ACOX1: variants seen among roughly 807,000 people sequenced by gnomAD.
ACOX1 encodes the protein peroxisomal acyl-coenzyme A oxidase 1.
A neutral mutation model predicts 75.5 loss-of-function variants in ACOX1; 41 were observed. The observed-to-expected ratio is 0.54, with a 90% CI of 0.42 to 0.70. The LOEUF is 0.70. ACOX1 is among the 30% of genes least tolerant of loss of function. The probability of loss-of-function intolerance (pLI) is 0.00; values close to 1 mark genes in which losing one functional copy is unlikely to be tolerated. For missense variants in ACOX1, 630 were observed against 837.5 expected, an observed-to-expected ratio of 0.75 and a Z score of 3.06; for synonymous variants, 303 against 298.8, an observed-to-expected ratio of 1.01 and a Z score of -0.15.
At chr17:75,956,961 CTCTCTCTCTCTATATATATATATATA>C (rs1412242981) in intron 4 of ACOX1, among the ~76,000 whole-genome samples, 491 of 22,166 alleles carry the variant, frequency 0.022, 8 homozygotes, top group South Asian at 0.027. Flanking sequence ...CTCTCTCTCT[CTCTCTCTCTCTATATATATATATATA>C]TATATATATA....
At position 75,953,351 on chromosome 17, in the gene ACOX1, T is replaced by C. The variant is rs1482838854; in HGVS notation, c.944+100A>G. The stretch of plus-strand genomic sequence containing the variant: ...GTTATCACCCTAGCCAATTTTGCAG[T>C]GCTAATGCATCTTCTGTATTGACAT... On this transcript the variant is annotated intron_variant, in intron 7 of 13. Transcript: ENST00000293217. 6.5e-6 allele frequency: 9 copies of C among 1,390,766 alleles called. 1 individual carries two copies. The highest frequency in any genetic ancestry group is 1.2e-5 in the South Asian group (1 of 85,000). The allele number at this position is 1,390,766 out of a possible 1,614,324, so 86.2% of individuals were successfully genotyped here.
At chr17:75,969,905 C>T (rs978559033) in intron 2 of ACOX1, among the ~76,000 whole-genome samples, 3 of 152,034 alleles carry the variant, frequency 2.0e-5, no homozygotes, top group Admixed American at 6.6e-5. Context: ...GAGAAAGAGG[C>T]CGGGTGCAGT....
Position 75,960,372 on chromosome 17 carries a change from A to G in ACOX1, c.273T>C (p.Phe91=). The G allele has an allele frequency of 1.9e-6, 3 of 1,613,766 alleles. No homozygotes were observed. Among genetic ancestry groups the G allele is most frequent in the Non-Finnish European group, 2.5e-6 (3 of 1,179,976 alleles). The change falls in exon 3 of 14, where the codon TTT becomes TTC. Residue 91 remains phenylalanine, a synonymous_variant. Transcript: ENST00000293217. The surrounding 1 kb of genome is among the most constrained non-coding windows in gnomAD (Gnocchi z 4.4). ...GAGGCTCAGGCCGCCCTCGGTGCAC[A>G]AAACTTCGAGGAAATATCAAGGATG... ...DPDEIMWFKN[F]VHRGRPEPLD...
In ACOX1 at chr17:75,941,865, T is replaced by G. The variant is rs952787506; in HGVS notation, c.*4883A>C. Reference sequence around the variant, plus strand: ...GGCATTTATGAAGTGTAGTCCGCAGTCTGAATGTGGAAGGTGGAAGATCAC... The same window carrying G: ...GGCATTTATGAAGTGTAGTCCGCAGGCTGAATGTGGAAGGTGGAAGATCAC... On this transcript the variant is annotated 3_prime_UTR_variant, in exon 14 of 14. Transcript: ENST00000293217. The G allele has an allele frequency of 1.8e-4, 27 of 152,306 alleles. No individual in the cohort carries two copies. Among genetic ancestry groups the G allele is most frequent in the Middle Eastern group, 3.4e-3 (1 of 294 alleles). The allele number at this position is 152,306 out of a possible 1,614,324, so 9.4% of individuals were successfully genotyped here.
At chr17:75,956,754 G>A (rs1252598080) in intron 4 of ACOX1, among the ~76,000 whole-genome samples, 4 of 149,736 alleles carry the variant, frequency 2.7e-5, no homozygotes, top group Admixed American at 2.7e-4. Flanking sequence ...AAGAGACAGG[G>A]TTTCACTCTG....
chr17:75,967,416 G>C (rs1455841475), intron 2 of ACOX1, among the ~76,000 whole-genome samples: 1 of 150,090 alleles, frequency 6.7e-6, no homozygotes, highest in Non-Finnish European at 1.5e-5. Context: ...GTTACAGTGA[G>C]CCAAGATGAT....
rs944031160 is a variant in ACOX1 at position 75,954,199 on chromosome 17, G to A, written c.775-579C>T. Among the ~76,000 whole-genome samples, 483 of 146,320 alleles carry A rather than the reference G, an allele frequency of 3.3e-3. 2 individuals carry two copies. The highest frequency in any genetic ancestry group is 0.012 in the African/African-American group (462 of 38,754). On this transcript the variant is annotated intron_variant, in intron 6 of 13. Coordinates refer to ENST00000293217, the MANE Select transcript of ACOX1 (RefSeq NM_004035.7). ...CCACTGCACTCCAGCCTGGGTGACA[G>A]AGCAAGACTCTGTCTCAAAAAAAAA...
At chr17:75,974,829 G>A (rs953704296) in intron 2 of ACOX1, among the ~76,000 whole-genome samples, 1 of 144,534 alleles carries the variant, frequency 6.9e-6, no homozygotes, top group African/African-American at 2.4e-5. Context: ...TCAGGAGATC[G>A]AGACCATCAG....
rs2066084358 is a variant in ACOX1 at position 75,978,790 on chromosome 17, C to T, written c.110-97G>A. ...AATAGGCTTCAGAGTCGCGGACACA[C>T]CTGGGGAATGGCGATATCCCCCCAC... On this transcript the variant is annotated intron_variant, in intron 1 of 13. Coordinates refer to ENST00000293217, the MANE Select transcript of ACOX1 (RefSeq NM_004035.7). This position sits in a 1 kb window ranked among gnomAD's most constrained non-coding sequence, Gnocchi z 4.2. The T allele has an allele frequency of 6.2e-7, 1 of 1,607,750 alleles. No individual in the cohort carries two copies. Among genetic ancestry groups the T allele is most frequent in the Non-Finnish European group, 8.5e-7 (1 of 1,179,486 alleles).
intron 4 of ACOX1, among the ~76,000 whole-genome samples, chr17:75,957,008 T>TATATATATATAC (rs1555617568): frequency 3.6e-5 from 4 of 110,200 alleles, no homozygotes; most frequent in Admixed American, 1.1e-4. Context: ...TATATATATA[T>TATATATATATAC]ACACACACAC....
intron 6 of ACOX1, among the ~76,000 whole-genome samples, chr17:75,954,249 G>A (rs1273583119): frequency 2.0e-5 from 3 of 149,894 alleles, no homozygotes; most frequent in Non-Finnish European, 3.0e-5. Context: ...TGCTGGGTGC[G>A]GTGGCTCATG....
intron 2 of ACOX1, among the ~76,000 whole-genome samples, chr17:75,975,606 C>T (rs1257852837): frequency 2.6e-5 from 4 of 152,186 alleles, no homozygotes; most frequent in African/African-American, 9.6e-5. Flanking sequence ...ACGACTTCTG[C>T]GTCCTAATCA....
chr17:75,967,149 A>G (rs1458455561), intron 2 of ACOX1, among the ~76,000 whole-genome samples: 2 of 152,062 alleles, frequency 1.3e-5, no homozygotes, highest in Non-Finnish European at 2.9e-5. Context: ...TCAAATCATT[A>G]AACAGAAACC....
chr17:75,967,605 T>C (rs995382129), intron 2 of ACOX1, among the ~76,000 whole-genome samples: 1 of 142,384 alleles, frequency 7.0e-6, no homozygotes, highest in Admixed American at 7.1e-5. Flanking sequence ...TCGAAATATA[T>C]ATATATATAC....
Position 75,957,600 on chromosome 17 carries a change from A to G in ACOX1, c.431-34T>C, listed in dbSNP as rs775008093. On this transcript the variant is annotated intron_variant, in intron 3 of 13. Transcript: ENST00000293217. ...ATAAATTACATTGACTTCAGTTAAGAGATGGGGAAAAAAATAGGCACAAGG... is the reference window on the plus strand; with the variant it reads ...ATAAATTACATTGACTTCAGTTAAGGGATGGGGAAAAAAATAGGCACAAGG... The G allele has an allele frequency of 5.0e-5, 78 of 1,555,424 alleles. No homozygotes were observed. The East Asian group carries it at 1.7e-3, about 33-fold the overall frequency.
chr17:75,967,678 A>C (rs1229589773), intron 2 of ACOX1, among the ~76,000 whole-genome samples: 1 of 140,106 alleles, frequency 7.1e-6, no homozygotes, highest in Non-Finnish European at 1.5e-5. Flanking sequence ...ATACATATAT[A>C]TACGTATATA....
rs745549290 is a variant in ACOX1 at position 75,968,431 on chromosome 17, G to A, written c.270-8056C>T. 4.6e-3 allele frequency among the ~76,000 whole-genome samples: 239 copies of A among 52,480 alleles called. 3 individuals carry two copies. The highest frequency in any genetic ancestry group is 0.033 in the Admixed American group (209 of 6,324). 34.4% of individuals were successfully genotyped at this position (52,480 alleles called of 152,430 possible). ...AGCCTGGGCGACAGAGCGAGACTCCGTCTCAAAAAAAAAAAAAAAAAAAAG... is the reference window on the plus strand; with the variant it reads ...AGCCTGGGCGACAGAGCGAGACTCCATCTCAAAAAAAAAAAAAAAAAAAAG... On this transcript the variant is annotated intron_variant, in intron 2 of 13. Coordinates refer to ENST00000293217, the MANE Select transcript of ACOX1 (RefSeq NM_004035.7).
chr17:75,966,211 C>A (rs577933577), intron 2 of ACOX1, among the ~76,000 whole-genome samples: 1 of 151,900 alleles, frequency 6.6e-6, no homozygotes, highest in Non-Finnish European at 1.5e-5. Context: ...GTAATCCCAG[C>A]ACTTTGGGAG....
At chr17:75,954,031 A>G (rs2144249549) in intron 6 of ACOX1, among the ~76,000 whole-genome samples, 1 of 152,278 alleles carries the variant, frequency 6.6e-6, no homozygotes, top group South Asian at 2.1e-4. Context: ...AGCCTGACCA[A>G]CATGGTGAAA....
Sources: gnomAD v4.1 joint callset for allele counts (sites outside exome capture counted in the v4.1 genomes callset) on GRCh38, gnomAD v4.1.1 for gene constraint, Gnocchi (gnomAD v3.1) non-coding constraint, MANE v1.5 for transcripts, NCBI Gene and HGNC (gene_info 2026-07-23, HGNC 2026-07-21) for gene names.